Variants in ZNF804B observed in about 807,000 individuals in gnomAD.
ZNF804B encodes zinc finger protein 804B, also known as zinc finger 804B.
Under a neutral mutation model 101.4 loss-of-function variants are expected in ZNF804B, and 80 were observed. The ratio of observed to expected loss-of-function variants is 0.79; its 90% CI spans 0.66 to 0.95. The LOEUF is 0.95. Ranked by LOEUF, ZNF804B falls within the 40% of genes least tolerant of loss-of-function variation. ZNF804B has a pLI of 0.00. For synonymous variants in ZNF804B, 622 were observed against 558.8 expected (o/e 1.11, Z -1.59); for missense variants, 1,673 against 1,561.9 (o/e 1.07, Z -1.20).
At chr7:89,129,326 T>A (rs1018623022) in intron 1 of ZNF804B, among the ~76,000 whole-genome samples, 2 of 152,066 alleles carry the variant, frequency 1.3e-5, no homozygotes, top group Admixed American at 6.6e-5. Context: ...ATATTTCCCT[T>A]GTCAGTATGG....
intron 1 of ZNF804B, among the ~76,000 whole-genome samples, chr7:89,035,505 A>G (rs1788911942): frequency 2.0e-5 from 3 of 152,022 alleles, no homozygotes; most frequent in Non-Finnish European, 4.4e-5. Context: ...TGTTTCACAC[A>G]TGATGGAAAA....
chr7:89,156,019 C>CTTT (rs1554371311), intron 1 of ZNF804B, among the ~76,000 whole-genome samples: 3,321 of 121,898 alleles, frequency 0.027, 118 homozygotes, highest in Admixed American at 0.033. Flanking sequence ...TTCTCTCTTT[C>CTTT]CTTTCTTTCT....
At chr7:89,146,350 A>G (rs1177971613) in intron 1 of ZNF804B, among the ~76,000 whole-genome samples, 1 of 152,078 alleles carries the variant, frequency 6.6e-6, no homozygotes, top group Non-Finnish European at 1.5e-5. Context: ...GAACATAGCT[A>G]TAGAAATTGA....
chr7:89,178,633 G>C (rs189072616), intron 1 of ZNF804B, among the ~76,000 whole-genome samples: 113 of 152,058 alleles, frequency 7.4e-4, no homozygotes, highest in African/African-American at 2.5e-3. Context: ...ATCTTGAAAA[G>C]TTGTCACAGT....
chr7:88,875,808 T>G (rs1791927834), intron 1 of ZNF804B, among the ~76,000 whole-genome samples: 1 of 152,204 alleles, frequency 6.6e-6, no homozygotes, highest in Non-Finnish European at 1.5e-5. Context: ...TAACTCATTT[T>G]ATGAGGCCAG....
At chr7:89,273,343 G>C (rs1401812962) in intron 2 of ZNF804B, among the ~76,000 whole-genome samples, 1 of 151,676 alleles carries the variant, frequency 6.6e-6, no homozygotes, top group East Asian at 1.9e-4. Flanking sequence ...CAAAAAAATG[G>C]TTTCATCAGC....
intron 1 of ZNF804B, among the ~76,000 whole-genome samples, chr7:89,199,757 A>G (rs941592300): frequency 1.3e-5 from 2 of 151,574 alleles, no homozygotes; most frequent in African/African-American, 4.8e-5. Flanking sequence ...GCATCTTTCT[A>G]TTTTTGTCAC....
intron 1 of ZNF804B, among the ~76,000 whole-genome samples, chr7:88,885,823 T>A (rs1209970280): frequency 6.6e-6 from 1 of 151,872 alleles, no homozygotes; most frequent in African/African-American, 2.4e-5. Context: ...ATAATGAAAT[T>A]GAAAATCACC....
intron 1 of ZNF804B, among the ~76,000 whole-genome samples, chr7:89,190,113 C>A (rs1035596311): frequency 2.6e-5 from 4 of 151,936 alleles, no homozygotes; most frequent in Non-Finnish European, 5.9e-5. Context: ...GAAATCACTG[C>A]AGATATGGTT....
At chr7:89,027,647 C>A (rs1323770824) in intron 1 of ZNF804B, among the ~76,000 whole-genome samples, 1 of 152,108 alleles carries the variant, frequency 6.6e-6, no homozygotes, top group Non-Finnish European at 1.5e-5. Flanking sequence ...GAAGAGAGAA[C>A]CTCTCCCAGG....
At chr7:88,954,559 C>CT (rs1205021298) in intron 1 of ZNF804B, among the ~76,000 whole-genome samples, 4 of 151,036 alleles carry the variant, frequency 2.6e-5, no homozygotes, top group Non-Finnish European at 5.9e-5. Flanking sequence ...AAACATGCCC[C>CT]CCCCCCACCA....
intron 1 of ZNF804B, among the ~76,000 whole-genome samples, chr7:88,823,638 C>A (rs1171752253): frequency 6.6e-6 from 1 of 151,962 alleles, no homozygotes; most frequent in Non-Finnish European, 1.5e-5. Context: ...GTGCAGTGAG[C>A]TGAGTACAAT....
At chr7:89,046,897 T>C (rs1015182905) in intron 1 of ZNF804B, among the ~76,000 whole-genome samples, 7 of 152,112 alleles carry the variant, frequency 4.6e-5, no homozygotes, top group African/African-American at 1.7e-4. Context: ...TGATCAATTA[T>C]TATTTATTTC....
intron 1 of ZNF804B, among the ~76,000 whole-genome samples, chr7:88,848,722 GA>G (rs1427288675): frequency 6.7e-6 from 1 of 149,906 alleles, no homozygotes; most frequent in African/African-American, 2.5e-5. Context: ...AAAAAAATGG[GA>G]AAAAGTTTCG....
chr7:88,795,811 C>T (rs1790473062), intron 1 of ZNF804B: 1 of 152,078 alleles, frequency 6.6e-6, no homozygotes, highest in Non-Finnish European at 1.5e-5. Context: ...ACCAGAGCGC[C>T]AAGTTTCTTA....
chr7:88,946,186 C>T (rs1793125327), intron 1 of ZNF804B, among the ~76,000 whole-genome samples: 2 of 151,740 alleles, frequency 1.3e-5, no homozygotes, highest in African/African-American at 2.4e-5. Context: ...AAGGGAATGT[C>T]CACTTTTGCC....
rs1196273177 is a variant in ZNF804B at position 89,243,187 on chromosome 7, A to C, written c.249+24892A>C. Among the ~76,000 whole-genome samples the C allele has an allele frequency of 2.0e-5, 3 of 151,832 alleles. No individual in the cohort carries two copies. The East Asian group carries it at 5.8e-4, about 29-fold the overall frequency. ...ATCATTACTCTTGATACTGCAAAAA[A>C]ATGGCCTTTATGAGTAAACATAAAT... is the stretch of plus-strand genomic sequence containing the variant. On this transcript the variant is annotated intron_variant, in intron 2 of 3. Coordinates refer to ENST00000333190, the MANE Select transcript of ZNF804B (RefSeq NM_181646.5).
At position 88,819,326 on chromosome 7, in the gene ZNF804B, T is replaced by G. The variant is rs141367872; in HGVS notation, c.108+59242T>G. ...TTGTATTTTTAGTAGAGACGAGGTT[T>G]CACCATGTTGGTGAGGCTGGCCTCG... On this transcript the variant is annotated intron_variant, in intron 1 of 3. Transcript: ENST00000333190. 3.8e-3 allele frequency among the ~76,000 whole-genome samples: 579 copies of G among 152,214 alleles called. 1 individual carries two copies. The highest frequency in any genetic ancestry group is 0.013 in the African/African-American group (558 of 41,532).
At chr7:88,811,825 A>T (rs777081352) in intron 1 of ZNF804B, among the ~76,000 whole-genome samples, 1 of 143,310 alleles carries the variant, frequency 7.0e-6, no homozygotes, top group Non-Finnish European at 1.6e-5. Context: ...CCTGTGAGAC[A>T]GGGGAGGGAG....
Sources: allele counts gnomAD v4.1 joint callset (sites outside exome capture counted in the v4.1 genomes callset), GRCh38; gene constraint gnomAD v4.1.1; transcripts MANE v1.5; gene names NCBI Gene and HGNC (gene_info 2026-07-23, HGNC 2026-07-21).